SH3BGR: variants seen among roughly 807,000 people sequenced by gnomAD.
SH3BGR encodes SH3 domain-binding glutamic acid-rich protein.
In SH3BGR, 29 loss-of-function variants were observed where a neutral mutation model predicts 24.5. The ratio of observed to expected loss-of-function variants is 1.18; its 90% CI spans 0.88 to 1.61. The LOEUF (loss-of-function observed/expected upper bound fraction) is 1.61. Among genes scored for constraint, SH3BGR ranks in the 40% most tolerant of loss-of-function variants. The probability of loss-of-function intolerance (pLI) is 0.00; values close to 1 mark genes in which losing one functional copy is unlikely to be tolerated. For synonymous variants in SH3BGR, 55 were observed against 65.7 expected, an observed-to-expected ratio of 0.84 and a Z score of 0.79; for missense variants, 162 against 205.8, an observed-to-expected ratio of 0.79 and a Z score of 1.30.
chr21:39,492,356 T>G lies in SH3BGR; in HGVS notation c.313-7467T>G, dbSNP rs2078313344. Among the ~76,000 whole-genome samples the G allele has an allele frequency of 2.0e-5, 3 of 152,128 alleles. 1 individual carries two copies. The highest frequency in any genetic ancestry group is 4.4e-5 in the Non-Finnish European group (3 of 68,038). On this transcript the variant is annotated intron_variant, in intron 3 of 6. Coordinates refer to ENST00000333634, the MANE Select transcript of SH3BGR (RefSeq NM_007341.3). ...GTTTGGTTTTCCATTTCTGAGTTAC[T>G]TCACTTAGAATAATAGTCTCCAATT...
At chr21:39,508,552 A>G (rs1173371401) in intron 4 of SH3BGR, among the ~76,000 whole-genome samples, 1 of 152,220 alleles carries the variant, frequency 6.6e-6, no homozygotes, top group Non-Finnish European at 1.5e-5. Flanking sequence ...AAAGTTTTTG[A>G]CCTACTTTTA....
intron 3 of SH3BGR, among the ~76,000 whole-genome samples, chr21:39,494,376 C>T (rs1201535103): frequency 6.6e-6 from 1 of 151,868 alleles, no homozygotes; most frequent in Non-Finnish European, 1.5e-5. Context: ...TTCCTTTAGT[C>T]CTTTAGCATT....
chr21:39,513,530 G>T (rs2078733313), intron 6 of SH3BGR, among the ~76,000 whole-genome samples: 1 of 151,712 alleles, frequency 6.6e-6, no homozygotes, highest in African/African-American at 2.4e-5. Flanking sequence ...TAAAGGTTTT[G>T]TCATTCATTT....
chr21:39,482,234 A>G (rs1485496961), intron 3 of SH3BGR, among the ~76,000 whole-genome samples: 2 of 152,232 alleles, frequency 1.3e-5, no homozygotes, highest in Non-Finnish European at 2.9e-5. Context: ...AGACAAAACA[A>G]AAATTTGGAA....
intron 3 of SH3BGR, among the ~76,000 whole-genome samples, chr21:39,487,782 G>A (rs2837048): frequency 0.56 from 84,592 of 152,046 alleles, 23,938 homozygotes; most frequent in East Asian, 0.68. Flanking sequence ...TATCACTAGC[G>A]AGTGCCTATT....
chr21:39,509,649 A>AT (rs2078643044), intron 5 of SH3BGR, among the ~76,000 whole-genome samples: 1 of 151,026 alleles, frequency 6.6e-6, no homozygotes, highest in Non-Finnish European at 1.5e-5. Context: ...TAATTTTTGT[A>AT]TTTTTAGTAG....
At chr21:39,507,557 T>C (rs2078604434) in intron 4 of SH3BGR, among the ~76,000 whole-genome samples, 1 of 152,212 alleles carries the variant, frequency 6.6e-6, no homozygotes, top group South Asian at 2.1e-4. Flanking sequence ...GGTCTCAAAC[T>C]CCTGATCTCA....
chr21:39,513,173 C>T (rs935784771), intron 6 of SH3BGR, among the ~76,000 whole-genome samples: 2 of 152,104 alleles, frequency 1.3e-5, no homozygotes. Flanking sequence ...AATTATTTTC[C>T]ATCGTCAGTA....
At chr21:39,501,998 C>A (rs572255325) in intron 4 of SH3BGR, among the ~76,000 whole-genome samples, 1 of 152,194 alleles carries the variant, frequency 6.6e-6, no homozygotes, top group Admixed American at 6.5e-5. Context: ...CATGGTAAAA[C>A]CCCGTCTCTA....
At chr21:39,465,286 C>G (rs538664384) in intron 2 of SH3BGR, among the ~76,000 whole-genome samples, 49 of 152,322 alleles carry the variant, frequency 3.2e-4, no homozygotes, top group African/African-American at 1.2e-3. Context: ...GGATACCACA[C>G]AGGACCCCAT....
rs893049052 is a variant in SH3BGR at position 39,452,127 on chromosome 21, T to C, written c.31T>C (p.Ser11Pro). Residue 11 changes from serine to proline, a missense_variant, in exon 1 of 7, where the codon TCT becomes CCT. Physicochemically the swap from Ser to Pro is moderately conservative, Grantham distance 74. Coordinates refer to ENST00000333634, the MANE Select transcript of SH3BGR (RefSeq NM_007341.3). MVIKVFVATSSGSIAIRKKQQ... is the reference protein window; with the variant it reads MVIKVFVATSPGSIAIRKKQQ... The stretch of plus-strand genomic sequence containing the variant: ...TATCAAAGTGTTTGTTGCTACATCT[T>C]CTGGGTCCATAGCGGTAGGTGTCTG... The C allele has an allele frequency of 6.2e-7, 1 of 1,614,082 alleles. No homozygotes were observed. Among genetic ancestry groups the C allele is most frequent in the Non-Finnish European group, 8.5e-7 (1 of 1,180,022 alleles).
chr21:39,506,359 G>A (rs915969962), intron 4 of SH3BGR, among the ~76,000 whole-genome samples: 21 of 152,222 alleles, frequency 1.4e-4, no homozygotes, highest in African/African-American at 4.3e-4. Context: ...AATGGCTGAA[G>A]TAGAGTGGTG....
intron 5 of SH3BGR, among the ~76,000 whole-genome samples, chr21:39,510,144 G>A (rs1285749499): frequency 2.3e-5 from 3 of 128,714 alleles, no homozygotes; most frequent in African/African-American, 3.4e-5. Context: ...GGGTTTCACC[G>A]TGTTAGCCAA....
intron 3 of SH3BGR, among the ~76,000 whole-genome samples, chr21:39,489,956 G>GAGAT (rs2078271985): frequency 1.3e-5 from 2 of 152,178 alleles, no homozygotes; most frequent in African/African-American, 4.8e-5. Context: ...TGTGAGAAAG[G>GAGAT]AGATATAGGA....
At chr21:39,488,484 A>C in intron 3 of SH3BGR, 2 of 282,318 alleles carry the variant, frequency 7.1e-6, no homozygotes, top group Non-Finnish European at 1.3e-5. Context: ...GTCCTGGGGG[A>C]ACCTCAGGAG....
In SH3BGR at chr21:39,446,848, G is replaced by A. The variant is rs528715188; in HGVS notation, c.-100+767G>A. Among the ~76,000 whole-genome samples the A allele has an allele frequency of 9.9e-5, 15 of 152,168 alleles. 1 individual carries two copies. In the South Asian group the frequency reaches 3.1e-3, roughly 32 times the overall value. ...AGTTACCTTTAATTTTGTTTACAGT[G>A]TATTTTGGTATTTGTGTAGAGTCAA... On this transcript the variant is annotated intron_variant, in intron 1 of 6. Coordinates refer to the SH3BGR transcript ENST00000380631.
chr21:39,461,651 G>A (rs1380210355), intron 1 of SH3BGR, among the ~76,000 whole-genome samples: 11 of 152,112 alleles, frequency 7.2e-5, no homozygotes, highest in Non-Finnish European at 1.6e-4. Flanking sequence ...ACAGTTGGCC[G>A]CCTGTGATTG....
intron 1 of SH3BGR, among the ~76,000 whole-genome samples, chr21:39,457,720 C>T (rs1461058775): frequency 6.6e-6 from 1 of 151,456 alleles, no homozygotes; most frequent in Non-Finnish European, 1.5e-5. Flanking sequence ...TCACTTGAGC[C>T]CAGGATTTTG....
intron 3 of SH3BGR, among the ~76,000 whole-genome samples, chr21:39,496,328 G>A (rs867436478): frequency 2.6e-5 from 4 of 151,476 alleles, no homozygotes; most frequent in South Asian, 2.1e-4. Flanking sequence ...GTGAAACCCC[G>A]TCTCTACTAA....
Sources: allele counts gnomAD v4.1 joint callset (sites outside exome capture counted in the v4.1 genomes callset), GRCh38; gene constraint gnomAD v4.1.1; transcripts MANE v1.5; gene names NCBI Gene and HGNC (gene_info 2026-07-23, HGNC 2026-07-21).